Variants in SEC61A1 observed in about 807,000 individuals in gnomAD.
SEC61A1 encodes the protein protein transport protein Sec61 subunit alpha isoform 1.
A neutral mutation model predicts 55.2 loss-of-function variants in SEC61A1; 15 were observed. The ratio of observed to expected loss-of-function variants is 0.27; its 90% CI spans 0.18 to 0.42. The LOEUF (loss-of-function observed/expected upper bound fraction) is 0.42. SEC61A1 is among the 10% of genes least tolerant of loss of function. The pLI is 1.00. For synonymous variants in SEC61A1, 247 were observed against 234.0 expected (o/e 1.06, Z -0.51); for missense variants, 284 against 602.6 (o/e 0.47, Z 5.53).
At chr3:128,065,268 C>T (rs1372444758) in intron 8 of SEC61A1, 1 of 622,188 alleles carries the variant, frequency 1.6e-6, no homozygotes, top group East Asian at 2.7e-5. Flanking sequence ...TAAGTGAAAT[C>T]ATGTTCTTCT....
upstream of SEC61A1, chr3:128,052,035 T>C: frequency 1.3e-6 from 1 of 771,498 alleles, no homozygotes; most frequent in African/African-American, 1.7e-5. Context: ...TTCACTAACG[T>C]CAAAGAGCAG....
chr3:128,056,611 A>T (rs780550531), intron 4 of SEC61A1, 98 bp from the exon 5 acceptor site: 5 of 1,102,546 alleles, frequency 4.5e-6, no homozygotes, highest in Admixed American at 2.8e-5. Context: ...TTGGTTTTAT[A>T]TAAGGGGTAC....
upstream of SEC61A1, chr3:128,052,232 CCCGGCGGGCCCCGCGCG>C (rs1419649604): frequency 5.9e-6 from 2 of 339,060 alleles, no homozygotes; most frequent in Non-Finnish European, 1.1e-5. Flanking sequence ...CACCCCCAGT[CCCGGCGGGCCCCGCGCG>C]CCAGGCCCCT....
chr3:128,055,494 A>G lies in SEC61A1; in HGVS notation c.76-22A>G, dbSNP rs778911142. The G allele has an allele frequency of 1.6e-5, 25 of 1,587,792 alleles. No individual in the cohort carries two copies. In the Admixed American group the frequency reaches 2.7e-4, roughly 17 times the overall value. On this transcript the variant is annotated intron_variant, in intron 2 of 11. Coordinates refer to ENST00000243253, the MANE Select transcript of SEC61A1 (RefSeq NM_013336.4). ...GCTTTTCAAAGTAACTCCCTGCTTC[A>G]ATTCATTCTCTCCTACTCTAGATTC...
intron 8 of SEC61A1, among the ~76,000 whole-genome samples, chr3:128,065,818 T>C (rs1941959682): frequency 7.0e-6 from 1 of 142,624 alleles, no homozygotes; most frequent in Non-Finnish European, 1.5e-5. Context: ...CTCGACTCAC[T>C]GCAACCTCCG....
At chr3:128,060,002 TGTTCTCCCCC>T in intron 5 of SEC61A1, 90 bp from the exon 6 acceptor site, 2 of 833,556 alleles carry the variant, frequency 2.4e-6, no homozygotes, top group East Asian at 2.4e-5. Flanking sequence ...TCTTCATCTT[TGTTCTCCCCC>T]GTGCCTGGCG....
At chr3:128,059,559 T>A (rs971093177) in intron 5 of SEC61A1, among the ~76,000 whole-genome samples, 6 of 150,826 alleles carry the variant, frequency 4.0e-5, no homozygotes, top group Admixed American at 1.3e-4. Context: ...GTACGTGGGG[T>A]TTTCCTTTTA....
chr3:128,062,606 G>C (rs778802609), intron 7 of SEC61A1, among the ~76,000 whole-genome samples: 2 of 152,210 alleles, frequency 1.3e-5, no homozygotes, highest in Non-Finnish European at 2.9e-5. Flanking sequence ...AGAAGCCACA[G>C]CAGAGGAGGT....
At chr3:128,054,464 G>A (rs1157421228) in intron 2 of SEC61A1, among the ~76,000 whole-genome samples, 1 of 152,216 alleles carries the variant, frequency 6.6e-6, no homozygotes, top group Non-Finnish European at 1.5e-5. Flanking sequence ...AGAGTCCTGT[G>A]AATGCCCCCA....
At chr3:128,052,361 G>A, upstream of SEC61A1, 2 of 937,008 alleles carry the variant, frequency 2.1e-6, no homozygotes, top group Non-Finnish European at 1.3e-6. Flanking sequence ...CGCGTGGCAG[G>A]AAGCGGAAGC....
At chr3:128,064,057 G>A (rs1436921727) in intron 7 of SEC61A1, among the ~76,000 whole-genome samples, 1 of 152,146 alleles carries the variant, frequency 6.6e-6, no homozygotes, top group Non-Finnish European at 1.5e-5. Context: ...CATGGTGGAC[G>A]CAAGCATATC....
intron 8 of SEC61A1, 80 bp from the exon 9 acceptor site, chr3:128,066,874 A>G (rs1427988128): frequency 6.5e-6 from 9 of 1,384,920 alleles, no homozygotes; most frequent in Non-Finnish European, 2.0e-6. Flanking sequence ...CCCACTGGAC[A>G]GTCCCCGGCC....
chr3:128,061,272 C>T (rs539456164), intron 7 of SEC61A1, among the ~76,000 whole-genome samples: 6 of 152,190 alleles, frequency 3.9e-5, no homozygotes, highest in Non-Finnish European at 8.8e-5. Context: ...TGATGCCTGG[C>T]TCCTGGTAGA....
chr3:128,056,910 C>A, intron 5 of SEC61A1, 70 bp downstream of exon 5: 6 of 1,207,284 alleles, frequency 5.0e-6, no homozygotes, highest in Non-Finnish European at 5.5e-6. Flanking sequence ...ATTTTGGTAT[C>A]AGTTTTTCTT....
rs1384044323 is a variant in SEC61A1, at chr3:128,056,944, T to TA, written c.352+104_352+105insA. 9.1e-4 allele frequency: 868 copies of TA among 949,562 alleles called. 1 individual carries two copies. The highest frequency in any genetic ancestry group is 1.2e-3 in the Middle Eastern group (3 of 2,604). 58.8% of individuals were successfully genotyped at this position (949,562 alleles called of 1,614,324 possible). A position where few individuals can be genotyped will look rare whatever the true frequency, so the allele number is the denominator to read the frequency against. On this transcript the variant is annotated intron_variant, in intron 5 of 11. Coordinates refer to ENST00000243253, the MANE Select transcript of SEC61A1 (RefSeq NM_013336.4). ...TTTTTTTATTTATTTTTTATTTTTTTTTTTTTTTTTGAGATGGAGTCTTAC... is the reference window on the plus strand; with the variant it reads ...TTTTTTTATTTATTTTTTATTTTTTTATTTTTTTTTTGAGATGGAGTCTTAC...
At chr3:128,069,267 A>G (rs535188490) in intron 11 of SEC61A1, among the ~76,000 whole-genome samples, 2 of 152,370 alleles carry the variant, frequency 1.3e-5, no homozygotes, top group African/African-American at 4.8e-5. Flanking sequence ...GTCTAGTCAC[A>G]GTCCCCTGGC....
At chr3:128,069,428 CG>C in intron 11 of SEC61A1, 47 bp from the exon 12 acceptor site, 2 of 1,570,756 alleles carry the variant, frequency 1.3e-6, no homozygotes. Flanking sequence ...GCCTGGCTCA[CG>C]GGGAGCTCTG....
Position 128,052,526 on chromosome 3 carries a change from G to T in SEC61A1, c.-27G>T. On this transcript the variant is annotated 5_prime_UTR_variant, in exon 1 of 12. Coordinates refer to ENST00000243253, the MANE Select transcript of SEC61A1 (RefSeq NM_013336.4). ...CGCGGAGCAGAGCTGAGCTGAAGCG[G>T]GACCCGGAGCCCGAGCAGCCGCCGC... 6.3e-7 allele frequency: 1 copy of T among 1,594,998 alleles called. No individual in the cohort carries two copies. Among genetic ancestry groups the T allele is most frequent in the Non-Finnish European group, 8.5e-7 (1 of 1,171,802 alleles).
rs1282419735 is a variant in SEC61A1, at chr3:128,060,089, C to T, written c.353-13C>T. ...TGACCCACTTGGAAAACACTTCTTT[C>T]TTTCAATTCTAGTATTTGGCATGAT... On this transcript the variant is annotated splice_polypyrimidine_tract_variant and intron_variant, in intron 5 of 11. Transcript: ENST00000243253. 1 of 1,597,578 alleles carries T rather than the reference C, an allele frequency of 6.3e-7. No individual in the cohort carries two copies. Among genetic ancestry groups the T allele is most frequent in the Non-Finnish European group, 8.6e-7 (1 of 1,165,408 alleles).
Sources: allele counts gnomAD v4.1 joint callset (sites outside exome capture counted in the v4.1 genomes callset), GRCh38; gene constraint gnomAD v4.1.1; transcripts MANE v1.5; gene names NCBI Gene and HGNC (gene_info 2026-07-23, HGNC 2026-07-21).